Variants in RGMA observed in about 807,000 individuals in gnomAD.
RGMA encodes repulsive guidance molecule BMP co-receptor a, also known as repulsive guidance molecule A.
In RGMA, 10 loss-of-function variants were observed where a neutral mutation model predicts 23.2. The observed-to-expected ratio is 0.43, with a 90% CI of 0.27 to 0.73. RGMA has a LOEUF of 0.73. RGMA is among the 30% of genes least tolerant of loss of function. The pLI, the probability that RGMA is intolerant of heterozygous loss-of-function variation, is 0.20. For missense variants in RGMA, 547 were observed against 630.5 expected (o/e 0.87, Z 1.42); for synonymous variants, 308 against 279.3 (o/e 1.10, Z -1.03).
chr15:93,050,643 C>T (rs868280113), intron 3 of RGMA, among the ~76,000 whole-genome samples: 3 of 152,242 alleles, frequency 2.0e-5, no homozygotes, highest in African/African-American at 7.2e-5. Context: ...AGCCCAGCCT[C>T]CCTGCACACA....
intron 1 of RGMA, among the ~76,000 whole-genome samples, chr15:93,085,153 C>T (rs919962655): frequency 6.6e-6 from 1 of 152,202 alleles, no homozygotes; most frequent in Non-Finnish European, 1.5e-5. Context: ...TACCAGGAAA[C>T]AGAGCAAACT....
rs754606236 is a variant in RGMA, at chr15:93,052,108, C to T, written c.530G>A (p.Arg177His). 1.3e-4 allele frequency: 209 copies of T among 1,613,642 alleles called. No homozygotes were observed. The highest frequency in any genetic ancestry group is 1.6e-4 in the Non-Finnish European group (193 of 1,179,830). ...GCCCTGCACCTTGCAGGTCTGGAAGCGGTCGGTGAAAGTCCTGAGGTGTGG... is the reference window on the plus strand; with the variant it reads ...GCCCTGCACCTTGCAGGTCTGGAAGTGGTCGGTGAAAGTCCTGAGGTGTGG... ...GDPHLRTFTDRFQTCKVQGAW... is the reference protein window; with the variant it reads ...GDPHLRTFTDHFQTCKVQGAW... Residue 177 changes from arginine (R) to histidine (H), a missense_variant, in exon 3 of 4, where the codon CGC (arginine) becomes CAC (histidine). This residue lies in a region of RGMA where 128 missense variants were observed against 191.7 expected (regional missense o/e 0.67). Coordinates refer to ENST00000329082, the MANE Select transcript of RGMA (RefSeq NM_020211.3).
At chr15:93,047,684 G>A (rs2054847099) in intron 3 of RGMA, among the ~76,000 whole-genome samples, 1 of 152,184 alleles carries the variant, frequency 6.6e-6, no homozygotes, top group Non-Finnish European at 1.5e-5. Flanking sequence ...GAAGGGGTCT[G>A]AGCAAGGGGG....
At chr15:93,074,557 T>C (rs568647690) in intron 1 of RGMA, among the ~76,000 whole-genome samples, 3 of 152,344 alleles carry the variant, frequency 2.0e-5, no homozygotes, top group African/African-American at 7.2e-5. Flanking sequence ...AACTCTTCTT[T>C]ACGAGGGGGT....
At chr15:93,087,988 A>G (rs1028853583) in intron 1 of RGMA, among the ~76,000 whole-genome samples, 3 of 152,168 alleles carry the variant, frequency 2.0e-5, no homozygotes, top group Non-Finnish European at 4.4e-5. Context: ...ACAACTTCGC[A>G]GCCTAAGAGG....
intron 2 of RGMA, among the ~76,000 whole-genome samples, chr15:93,069,517 C>T (rs1206636001): frequency 6.6e-6 from 1 of 151,854 alleles, no homozygotes; most frequent in Non-Finnish European, 1.5e-5. Context: ...CTTAGTTACC[C>T]ACTGAGGACT....
intron 2 of RGMA, among the ~76,000 whole-genome samples, chr15:93,056,853 G>A (rs537573324): frequency 1.4e-4 from 21 of 152,188 alleles, no homozygotes; most frequent in Non-Finnish European, 2.5e-4. Context: ...TGTACATGGC[G>A]TGCCTGGAGC....
intron 1 of RGMA, among the ~76,000 whole-genome samples, chr15:93,081,643 C>T (rs1323300253): frequency 6.6e-6 from 1 of 152,246 alleles, no homozygotes; most frequent in Non-Finnish European, 1.5e-5. Context: ...TCTGAACCGA[C>T]AGTGAGTCTG....
At chr15:93,088,162 T>C (rs117006841) in intron 1 of RGMA, 8,302 of 721,660 alleles carry the variant, frequency 0.012, 57 homozygotes, top group Non-Finnish European at 0.013. Context: ...GAACTGATTC[T>C]ACCTCCGAGC....
intron 2 of RGMA, among the ~76,000 whole-genome samples, chr15:93,054,982 G>A (rs924920361): frequency 1.3e-5 from 2 of 152,154 alleles, no homozygotes; most frequent in Admixed American, 6.5e-5. Context: ...GGCGTGTATG[G>A]GGAGGGAGTG....
At chr15:93,088,873 C>A in intron 1 of RGMA, 46 bp downstream of exon 1, 1 of 1,487,332 alleles carries the variant, frequency 6.7e-7, no homozygotes, top group Non-Finnish European at 8.9e-7. Context: ...GGCGGCGCCT[C>A]GGAGATGTCA....
rs1318032346 is a variant in RGMA at position 93,052,128 on chromosome 15, G to A, written c.510C>T (p.His170=). 1.2e-6 allele frequency: 2 copies of A among 1,613,840 alleles called. No homozygotes were observed. Among genetic ancestry groups the A allele is most frequent in the African/African-American group, 1.3e-5 (1 of 74,952 alleles). ...GGAAGCGGTCGGTGAAAGTCCTGAG[G>A]TGTGGGTCCCCGAAGAGGCCACAGT... The part of the protein sequence containing the change: ...YTHCGLFGDP[H]LRTFTDRFQT... Residue 170 remains histidine (H), a synonymous_variant, in exon 3 of 4, where the codon CAC becomes CAT. Transcript: ENST00000329082.
rs1384111663 is a variant in RGMA at position 93,039,208 on chromosome 15, C to T, written c.*5790G>A. On this transcript the variant is annotated 3_prime_UTR_variant, in exon 4 of 4. Coordinates refer to ENST00000329082, the MANE Select transcript of RGMA (RefSeq NM_020211.3). ...TTACACTGGTGGTTTGCCAGGGGCT[C>T]TCGGGCCTTCAGTGTCCCAAACCTG... The T allele has an allele frequency of 1.3e-5, 2 of 152,186 alleles. No homozygotes were observed. Among genetic ancestry groups the T allele is most frequent in the East Asian group, 1.9e-4 (1 of 5,172 alleles). The allele number at this position is 152,186 out of a possible 1,614,324, so 9.4% of individuals were successfully genotyped here. A position where few individuals can be genotyped will look rare whatever the true frequency, so the allele number is the denominator to read the frequency against.
intron 1 of RGMA, chr15:93,073,267 C>T: frequency 2.1e-6 from 2 of 952,264 alleles, no homozygotes; most frequent in African/African-American, 1.7e-5. Flanking sequence ...ACCGCCCCCT[C>T]GCGCTCGGGT....
chr15:93,054,229 CAAAA>C (rs34699802), intron 2 of RGMA, among the ~76,000 whole-genome samples: 1 of 110,942 alleles, frequency 9.0e-6, no homozygotes, highest in Non-Finnish European at 1.8e-5. Context: ...GACTCCATCT[CAAAA>C]AAAAAAAAAA....
intron 2 of RGMA, among the ~76,000 whole-genome samples, chr15:93,053,647 C>T (rs774484642): frequency 7.9e-5 from 12 of 152,218 alleles, no homozygotes; most frequent in South Asian, 2.1e-4. Flanking sequence ...CGAGTGCCTA[C>T]CTATCCCAGC....
chr15:93,043,304 GCACA>G lies in RGMA; in HGVS notation c.*1690_*1693del, dbSNP rs765601377. On this transcript the variant is annotated 3_prime_UTR_variant, in exon 4 of 4. Transcript: ENST00000329082. ...CACATGCGCGCACACACACATGCGCGCACACACACACACTTGCTGCAGGGGATCC... is the reference window on the plus strand; with the variant it reads ...CACATGCGCGCACACACACATGCGCGCACACACACTTGCTGCAGGGGATCC... 0.079 allele frequency: 11,881 copies of G among 150,750 alleles called. 613 individuals are homozygous for G. Among genetic ancestry groups the G allele is most frequent in the African/African-American group, 0.14 (5,848 of 41,170 alleles). 9.3% of individuals were successfully genotyped at this position (150,750 alleles called of 1,614,324 possible).
In RGMA at chr15:93,057,370, CTTAAAATAAAGACAT is replaced by C. The variant is rs199734684; in HGVS notation, c.131-4878_131-4864del. On this transcript the variant is annotated intron_variant, in intron 2 of 3. Transcript: ENST00000329082. The stretch of plus-strand genomic sequence containing the variant: ...GAGCCCCCACGACAGGGTTGGTGCC[CTTAAAATAAAGACAT>C]TTGGAGAATGCTAAGCGTTCTCTCT... 5.3e-3 allele frequency among the ~76,000 whole-genome samples: 807 copies of C among 152,222 alleles called. 21 individuals carry two copies. The highest frequency in any genetic ancestry group is 0.048 in the Admixed American group (729 of 15,304).
chr15:93,049,924 G>C (rs1237312887), intron 3 of RGMA, among the ~76,000 whole-genome samples: 1 of 152,150 alleles, frequency 6.6e-6, no homozygotes, highest in South Asian at 2.1e-4. Context: ...AAACCCAGAG[G>C]CCTCATCATC....
Sources: allele counts gnomAD v4.1 joint callset (sites outside exome capture counted in the v4.1 genomes callset), GRCh38; gene constraint gnomAD v4.1.1; regional missense constraint gnomAD v4.1.1; transcripts MANE v1.5; gene names NCBI Gene and HGNC (gene_info 2026-07-23, HGNC 2026-07-21).